Variants in ANKRD30A observed in about 807,000 individuals in gnomAD.
ANKRD30A encodes the protein ankyrin repeat domain-containing protein 30A.
ANKRD30A carries 170 observed loss-of-function variants against 166.3 expected under a neutral mutation model. The observed-to-expected ratio is 1.02, with a 90% CI of 0.90 to 1.16. The LOEUF is 1.16. ANKRD30A is among the 50% of genes most tolerant of loss of function. The pLI is 0.00. For missense variants in ANKRD30A, 1,630 were observed against 1,518.0 expected (o/e 1.07, Z -1.23); for synonymous variants, 564 against 508.9 (o/e 1.11, Z -1.46).
At chr10:37,257,026 C>G in the ANKRD30A span, among the ~76,000 whole-genome samples, 1 of 150,370 alleles carries the variant, frequency 6.7e-6, no homozygotes, top group South Asian at 2.1e-4. Context: ...TGGTCCTGGG[C>G]TTTTTTTTTG....
intron 6 of ANKRD30A, among the ~76,000 whole-genome samples, chr10:37,140,238 T>A (rs1837007237): frequency 6.6e-6 from 1 of 152,210 alleles, no homozygotes; most frequent in South Asian, 2.1e-4. Flanking sequence ...AAAATCTGTC[T>A]GTTAGTGGGC....
chr10:37,166,063 C>T (rs1417846737), intron 18 of ANKRD30A, among the ~76,000 whole-genome samples: 1 of 152,034 alleles, frequency 6.6e-6, no homozygotes, highest in East Asian at 1.9e-4. Flanking sequence ...AAACATGTTG[C>T]TTATTTTAAG....
intron 31 of ANKRD30A, among the ~76,000 whole-genome samples, chr10:37,209,220 G>A (rs1430893902): frequency 1.3e-5 from 2 of 152,134 alleles, no homozygotes; most frequent in Non-Finnish European, 2.9e-5. Flanking sequence ...AAAATGTACT[G>A]TGTATTAGGC....
At chr10:37,194,533 G>A (rs1223451631) in intron 27 of ANKRD30A, among the ~76,000 whole-genome samples, 1 of 151,930 alleles carries the variant, frequency 6.6e-6, no homozygotes, top group African/African-American at 2.4e-5. Flanking sequence ...GTAGAGACAG[G>A]GTTTCAGTGT....
In ANKRD30A at chr10:37,141,936, T is replaced by C. The variant is rs1837159964; in HGVS notation, c.1039T>C (p.Ser347Pro). Residue 347 changes from serine to proline, a missense_variant, in exon 7 of 36, where the codon TCT becomes CCT. Physicochemically the swap from Ser to Pro is moderately conservative, Grantham distance 74. Transcript: ENST00000361713. The stretch of plus-strand genomic sequence containing the variant: ...AATTCAATGTTTGGAGAAAGCGACA[T>C]CTGGAAAGTTCGAACAGTCAGCAGA... Reference protein sequence around the residue: ...DKIQCLEKATSGKFEQSAEET... With the variant: ...DKIQCLEKATPGKFEQSAEET... 3.7e-6 allele frequency: 6 copies of C among 1,614,154 alleles called. No individual in the cohort carries two copies. The highest frequency in any genetic ancestry group is 5.1e-6 in the Non-Finnish European group (6 of 1,180,032).
chr10:37,263,972 A>G, the ANKRD30A span, among the ~76,000 whole-genome samples: 1 of 152,222 alleles, frequency 6.6e-6, no homozygotes, highest in African/African-American at 2.4e-5. Flanking sequence ...TTGTGGAAGA[A>G]AGAAAGAAGT....
At chr10:37,217,624 A>G (rs550824423) in intron 32 of ANKRD30A, 71 bp from the exon 33 acceptor site, 2 of 1,284,394 alleles carry the variant, frequency 1.6e-6, no homozygotes, top group Non-Finnish European at 2.1e-6. Flanking sequence ...CCAATATAGG[A>G]AGAAATAGAT....
At chr10:37,223,365 G>A (rs926298550) in intron 34 of ANKRD30A, among the ~76,000 whole-genome samples, 3 of 151,460 alleles carry the variant, frequency 2.0e-5, no homozygotes, top group Admixed American at 6.6e-5. Context: ...AATGAGCGTA[G>A]TTACCTTATC....
chr10:37,127,042 GTC>G (rs1836067943), intron 1 of ANKRD30A, among the ~76,000 whole-genome samples: 1 of 29,356 alleles, frequency 3.4e-5, no homozygotes, highest in Non-Finnish European at 5.7e-5. Context: ...GTGAAACTCT[GTC>G]TCAAAAAAAA....
At chr10:37,205,351 A>G (rs1378390577) in intron 31 of ANKRD30A, among the ~76,000 whole-genome samples, 1 of 152,012 alleles carries the variant, frequency 6.6e-6, no homozygotes, top group Non-Finnish European at 1.5e-5. Flanking sequence ...TCGCAAGGAC[A>G]GAAAACCAAA....
intron 25 of ANKRD30A, among the ~76,000 whole-genome samples, chr10:37,190,621 G>C (rs1413576547): frequency 2.0e-5 from 3 of 151,728 alleles, no homozygotes; most frequent in African/African-American, 7.3e-5. Flanking sequence ...GGGGACAAGA[G>C]AGAATCCAGC....
At chr10:37,234,909 G>T (rs906970893), downstream of ANKRD30A, among the ~76,000 whole-genome samples, 1 of 152,110 alleles carries the variant, frequency 6.6e-6, no homozygotes, top group African/African-American at 2.4e-5. Context: ...TGTGTCACAT[G>T]GTGGAACATT....
intron 31 of ANKRD30A, among the ~76,000 whole-genome samples, chr10:37,210,537 G>A (rs546443511): frequency 2.7e-4 from 41 of 152,102 alleles, no homozygotes; most frequent in African/African-American, 9.6e-4. Flanking sequence ...TTGAGGAATC[G>A]CCACACTCTC....
chr10:37,164,178 G>GA (rs1240102058), intron 17 of ANKRD30A, among the ~76,000 whole-genome samples: 1 of 145,908 alleles, frequency 6.9e-6, no homozygotes, highest in Non-Finnish European at 1.5e-5. Context: ...GCATAGTGAT[G>GA]AAACGGTCTT....
intron 26 of ANKRD30A, 43 bp from the exon 27 acceptor site, chr10:37,193,143 G>A: frequency 1.2e-6 from 2 of 1,604,682 alleles, no homozygotes; most frequent in Non-Finnish European, 1.7e-6. Context: ...ATTTTATGAA[G>A]TATACATTGT....
At chr10:37,131,483 C>A (rs990848541) in intron 3 of ANKRD30A, among the ~76,000 whole-genome samples, 2 of 152,102 alleles carry the variant, frequency 1.3e-5, no homozygotes, top group African/African-American at 4.8e-5. Flanking sequence ...TAATAATAAG[C>A]AATCAAAGTT....
At chr10:37,194,463 C>T (rs569959024) in intron 27 of ANKRD30A, among the ~76,000 whole-genome samples, 2 of 152,020 alleles carry the variant, frequency 1.3e-5, no homozygotes, top group South Asian at 2.1e-4. Context: ...GCCTCAGCCT[C>T]CCGAGTAGCT....
intron 34 of ANKRD30A, among the ~76,000 whole-genome samples, chr10:37,229,355 A>G (rs1232158168): frequency 4.6e-5 from 7 of 151,934 alleles, no homozygotes; most frequent in Non-Finnish European, 8.8e-5. Flanking sequence ...GAATTGTTTT[A>G]TATTTTTAGT....
chr10:37,240,851 T>C, the ANKRD30A span: 1 of 152,180 alleles, frequency 6.6e-6, no homozygotes, highest in Non-Finnish European at 1.5e-5. Context: ...TGTTTGTTTT[T>C]TCAGGTTATA....
Sources: allele counts gnomAD v4.1 joint callset (sites outside exome capture counted in the v4.1 genomes callset), GRCh38; gene constraint gnomAD v4.1.1; transcripts MANE v1.5; gene names NCBI Gene and HGNC (gene_info 2026-07-23, HGNC 2026-07-21).